Variants in SMG7 observed in about 807,000 individuals in gnomAD.
The protein encoded by SMG7 is nonsense-mediated mRNA decay factor SMG7.
Under a neutral mutation model 148.2 loss-of-function variants are expected in SMG7, and 34 were observed. The observed-to-expected ratio is 0.23, with a 90% confidence interval of 0.17 to 0.31. SMG7 has a LOEUF of 0.31. Ranked by LOEUF, SMG7 falls within the 10% of genes least tolerant of loss-of-function variation. The pLI is 1.00. For synonymous variants in SMG7, 492 were observed against 515.1 expected (o/e 0.96, Z 0.61); for missense variants, 1,114 against 1,408.4 (o/e 0.79, Z 3.35).
chr1:183,505,197 G>A (rs571364378), intron 1 of SMG7, among the ~76,000 whole-genome samples: 2 of 151,674 alleles, frequency 1.3e-5, no homozygotes, highest in African/African-American at 4.8e-5. Flanking sequence ...AAGAGTTGAC[G>A]TAAACTTCTC....
In SMG7 at chr1:183,512,828, T is replaced by TTTTTTTTTGG; in HGVS notation, c.30-9_30-8insTTTTTTTTGG. The TTTTTTTTTGG allele has an allele frequency of 1.3e-6, 2 of 1,571,388 alleles. No individual in the cohort carries two copies. The highest frequency in any genetic ancestry group is 1.7e-6 in the Non-Finnish European group (2 of 1,165,800). On this transcript the variant is annotated splice_polypyrimidine_tract_variant and intron_variant, in intron 1 of 22. Transcript: ENST00000688051. ...ATACTCTTTTTTTTTTTTTTTTTTTTCTATCTAGGCAGGCAGAAGTCCTGA... is the reference window on the plus strand; with the variant it reads ...ATACTCTTTTTTTTTTTTTTTTTTTTTTTTTTTTGGCTATCTAGGCAGGCAGAAGTCCTGA...
chr1:183,550,753 C>A lies in SMG7; in HGVS notation c.3136C>A (p.His1046Asn). The A allele has an allele frequency of 1.2e-6, 2 of 1,613,772 alleles. No individual in the cohort carries two copies. Among genetic ancestry groups the A allele is most frequent in the South Asian group, 2.2e-5 (2 of 91,066 alleles). The change falls in exon 21 of 23, where the codon CAT becomes AAT. Residue 1046 changes from histidine (H) to asparagine (N), a missense_variant and splice_region_variant. Transcript: ENST00000688051. ...WSPSLPASSD[H>N]STPASQSPHS... ...CCTGTGTTGCTATTATTTAATAGAT[C>A]ATTCAACACCAGCCAGCCAGTCTCC...
At chr1:183,507,641 G>A (rs1332296869) in intron 1 of SMG7, among the ~76,000 whole-genome samples, 1 of 152,164 alleles carries the variant, frequency 6.6e-6, no homozygotes, top group Non-Finnish European at 1.5e-5. Flanking sequence ...GCTACATATA[G>A]TGTTAGCTGT....
chr1:183,512,825 T>TTC lies in SMG7; in HGVS notation c.30-11_30-10insCT. On this transcript the variant is annotated splice_polypyrimidine_tract_variant and intron_variant, in intron 1 of 22. Coordinates refer to ENST00000688051, the MANE Select transcript of SMG7 (RefSeq NM_001375584.1). ...CTGATACTCTTTTTTTTTTTTTTTT[T>TTC]TTTCTATCTAGGCAGGCAGAAGTCC... 1 of 1,581,762 alleles carries TTC rather than the reference T, an allele frequency of 6.3e-7. No homozygotes were observed. Among genetic ancestry groups the TTC allele is most frequent in the Non-Finnish European group, 8.5e-7 (1 of 1,170,056 alleles).
intron 1 of SMG7, among the ~76,000 whole-genome samples, chr1:183,482,366 A>G (rs1342742440): frequency 2.0e-5 from 3 of 152,036 alleles, no homozygotes; most frequent in East Asian, 1.9e-4. Context: ...TATAATGCCT[A>G]CAGTACTTCC....
intron 1 of SMG7, among the ~76,000 whole-genome samples, chr1:183,504,943 T>C (rs1382883777): frequency 6.6e-6 from 1 of 152,190 alleles, no homozygotes; most frequent in Non-Finnish European, 1.5e-5. Flanking sequence ...TCTTCCTGTC[T>C]TAATAATACC....
chr1:183,526,095 T>C (rs1220665910), intron 4 of SMG7, among the ~76,000 whole-genome samples: 1 of 151,362 alleles, frequency 6.6e-6, no homozygotes, highest in Non-Finnish European at 1.5e-5. Context: ...AGGTATGATT[T>C]ATAATGAATG....
At chr1:183,473,698 A>T (rs530508144) in intron 1 of SMG7, 13 of 978,374 alleles carry the variant, frequency 1.3e-5, no homozygotes, top group Non-Finnish European at 1.6e-5. Flanking sequence ...AAGACTTTAA[A>T]ATTGGTCCTT....
intron 1 of SMG7, among the ~76,000 whole-genome samples, chr1:183,493,597 A>G (rs1403255964): frequency 6.6e-6 from 1 of 151,848 alleles, no homozygotes; most frequent in Non-Finnish European, 1.5e-5. Context: ...TTTGTTTTTT[A>G]TTGAGACGGA....
At chr1:183,476,681 A>T (rs1652259586) in intron 1 of SMG7, among the ~76,000 whole-genome samples, 1 of 152,186 alleles carries the variant, frequency 6.6e-6, no homozygotes, top group Non-Finnish European at 1.5e-5. Flanking sequence ...TTGTTTGTTG[A>T]AAGGTAAGTA....
chr1:183,502,399 G>T, intron 1 of SMG7: 1 of 1,529,820 alleles, frequency 6.5e-7, no homozygotes, highest in African/African-American at 1.4e-5. Context: ...TAGGTAGGAT[G>T]AAAATTACAA....
chr1:183,545,794 G>A (rs1049041193), intron 16 of SMG7, among the ~76,000 whole-genome samples, 172 bp from the exon 17 acceptor site: 3 of 152,140 alleles, frequency 2.0e-5, no homozygotes. Flanking sequence ...CCCATAATCT[G>A]TTTCCAAAAA....
intron 1 of SMG7, among the ~76,000 whole-genome samples, chr1:183,510,150 G>C (rs1661805893): frequency 6.6e-6 from 1 of 152,052 alleles, no homozygotes. Context: ...AGCTAACATA[G>C]GGAAGCATAG....
intron 8 of SMG7, among the ~76,000 whole-genome samples, chr1:183,531,921 G>A (rs1666941821): frequency 6.6e-6 from 1 of 152,146 alleles, no homozygotes; most frequent in African/African-American, 2.4e-5. Flanking sequence ...TTCTAGAGAA[G>A]AGACAGGATT....
chr1:183,518,810 A>G (rs1455629395), intron 4 of SMG7: 1 of 152,252 alleles, frequency 6.6e-6, no homozygotes, highest in East Asian at 1.9e-4. Flanking sequence ...ATAAATTAGT[A>G]TCTTATAATG....
intron 1 of SMG7, among the ~76,000 whole-genome samples, chr1:183,477,608 A>G (rs1371853602): frequency 7.7e-6 from 1 of 129,054 alleles, no homozygotes; most frequent in African/African-American, 2.9e-5. Flanking sequence ...GTATATATGC[A>G]TATATACGTG....
At chr1:183,509,898 C>T (rs1466954537) in intron 1 of SMG7, among the ~76,000 whole-genome samples, 1 of 152,078 alleles carries the variant, frequency 6.6e-6, no homozygotes, top group Non-Finnish European at 1.5e-5. Flanking sequence ...GAAGCCTGCT[C>T]CAGAGTCTGC....
chr1:183,529,868 T>C (rs1481676183), intron 8 of SMG7, among the ~76,000 whole-genome samples: 1 of 152,156 alleles, frequency 6.6e-6, no homozygotes, highest in Admixed American at 6.5e-5. Context: ...GTTACCTGCT[T>C]TATAGATATT....
intron 1 of SMG7, chr1:183,473,930 T>G: frequency 1.0e-6 from 1 of 957,568 alleles, no homozygotes; most frequent in South Asian, 4.8e-5. Flanking sequence ...AGGGTGGCCA[T>G]TATAATTTTT....
Sources: allele counts gnomAD v4.1 joint callset (sites outside exome capture counted in the v4.1 genomes callset), GRCh38; gene constraint gnomAD v4.1.1; transcripts MANE v1.5; gene names NCBI Gene and HGNC (gene_info 2026-07-23, HGNC 2026-07-21).